The following MIIP variants were observed in gnomAD, a reference collection of about 807,000 sequenced individuals.
MIIP encodes migration and invasion inhibitory protein, also known as migration and invasion-inhibitory protein.
A neutral mutation model predicts 44.8 loss-of-function variants in MIIP; 44 were observed. The observed-to-expected ratio is 0.98, with a 90% confidence interval of 0.77 to 1.26. MIIP has a LOEUF of 1.26. Among genes scored for constraint, MIIP ranks in the 50% most tolerant of loss-of-function variants. MIIP has a pLI of 0.00. For synonymous variants in MIIP, 225 were observed against 218.3 expected, an observed-to-expected ratio of 1.03 and a Z score of -0.27; for missense variants, 496 against 511.7, an observed-to-expected ratio of 0.97 and a Z score of 0.30.
chr1:12,029,464 C>CT (rs1344564839), intron 6 of MIIP, 183 bp downstream of exon 6: 2 of 751,350 alleles, frequency 2.7e-6, no homozygotes, highest in African/African-American at 3.5e-5. Context: ...GTGGAGTGAG[C>CT]TAAGGCCTGG....
rs146045294 is a variant in MIIP, at chr1:12,021,864, C to T, written c.114+24C>T. The T allele has an allele frequency of 1.4e-3, 2,224 of 1,565,560 alleles. 29 individuals are homozygous for T. The African/African-American group carries it at 0.026, about 19-fold the overall frequency. The stretch of plus-strand genomic sequence containing the variant: ...AGGTGCGTGCCCGCCTTGGGAACCC[C>T]AGAGGAAGGGGCTACCTGACCTTCA... On this transcript the variant is annotated intron_variant, in intron 2 of 9. Transcript: ENST00000235332.
chr1:12,031,613 C>A (rs770276924), intron 9 of MIIP, 109 bp from the exon 10 acceptor site: 44 of 1,612,078 alleles, frequency 2.7e-5, no homozygotes, highest in Non-Finnish European at 3.6e-5. Flanking sequence ...CCCTGCTCCA[C>A]CCAGGAAGGC....
At chr1:12,030,189 C>A in intron 8 of MIIP, 65 bp downstream of exon 8, 1 of 1,493,792 alleles carries the variant, frequency 6.7e-7, no homozygotes, top group East Asian at 2.3e-5. Context: ...CCCAGATCCC[C>A]AGGGAGGGTC....
chr1:12,026,357 G>A (rs1426135940), intron 4 of MIIP, among the ~76,000 whole-genome samples: 1 of 152,170 alleles, frequency 6.6e-6, no homozygotes, highest in African/African-American at 2.4e-5. Flanking sequence ...TGGTGGCGGG[G>A]ACACAGGCCC....
chr1:12,023,225 G>A (rs1210476468), intron 4 of MIIP, among the ~76,000 whole-genome samples: 5 of 150,914 alleles, frequency 3.3e-5, no homozygotes, highest in Non-Finnish European at 1.5e-5. Context: ...CACCACGCCC[G>A]GCTAATTTTT....
Position 12,031,704 on chromosome 1 carries a change from TC to T in MIIP, c.1081-15del. ...CCTTTCAAGTGGCCCCCCTGAGACT[TC>T]CCTATTCCCCATCCAGGCCTCACCA... is the stretch of plus-strand genomic sequence containing the variant. On this transcript the variant is annotated splice_polypyrimidine_tract_variant and intron_variant, in intron 9 of 9. Transcript: ENST00000235332. 6.2e-7 allele frequency: 1 copy of T among 1,613,900 alleles called. No homozygotes were observed. Among genetic ancestry groups the T allele is most frequent in the Non-Finnish European group, 8.5e-7 (1 of 1,179,944 alleles).
chr1:12,021,718 A>C lies in MIIP; in HGVS notation c.-9A>C, dbSNP rs778073206. ...AGGGGCAAGTGACACCTGCTGAGAG[A>C]GGCCCAGGATGGTGGAGGCTGAGGA... On this transcript the variant is annotated 5_prime_UTR_variant, in exon 2 of 10. Transcript: ENST00000235332. 1 of 1,611,578 alleles carries C rather than the reference A, an allele frequency of 6.2e-7. No individual in the cohort carries two copies. Among genetic ancestry groups the C allele is most frequent in the Non-Finnish European group, 8.5e-7 (1 of 1,179,404 alleles).
Position 12,030,052 on chromosome 1 carries a change from G to C in MIIP, c.870G>C (p.Leu290=). ...GGGTGAGCATCCCGCTGTCGATCCTGGAGCCCCCGCACCGGTACCACATCC... is the reference window on the plus strand; with the variant it reads ...GGGTGAGCATCCCGCTGTCGATCCTCGAGCCCCCGCACCGGTACCACATCC... ...HVRVSIPLSI[L]EPPHRYHIHR... is the part of the protein sequence containing the mutation. The change falls in exon 8 of 10, where the codon CTG becomes CTC. Residue 290 remains leucine (L), a synonymous_variant. Transcript: ENST00000235332. 1 of 1,613,536 alleles carries C rather than the reference G, an allele frequency of 6.2e-7. No homozygotes were observed. Among genetic ancestry groups the C allele is most frequent in the Non-Finnish European group, 8.5e-7 (1 of 1,179,930 alleles).
At position 12,029,758 on chromosome 1, in the gene MIIP, CTCGCAGGCGTGTACTG is replaced by C. The variant is rs778030939; in HGVS notation, c.716-5_726del. The C allele has an allele frequency of 3.1e-6, 5 of 1,606,420 alleles. No individual in the cohort carries two copies. The highest frequency in any genetic ancestry group is 4.3e-6 in the Non-Finnish European group (5 of 1,174,318). On this transcript the variant is annotated splice_acceptor_variant and splice_polypyrimidine_tract_variant and coding_sequence_variant and intron_variant, in exon 7 of 10. Transcript: ENST00000235332. LOFTEE classifies it high-confidence loss of function. ...GGGAGAGCTGTGGCTTCTCATGGGC[CTCGCAGGCGTGTACTG>C]TTACCGTGTCAACCGGCGCCTGTTC...
chr1:12,024,508 G>A (rs1640059505), intron 4 of MIIP, among the ~76,000 whole-genome samples: 1 of 152,174 alleles, frequency 6.6e-6, no homozygotes, highest in Admixed American at 6.5e-5. Flanking sequence ...CCGCCTCCTG[G>A]GTTCAAGCGA....
intron 1 of MIIP, 106 bp from the exon 2 acceptor site, chr1:12,021,539 A>G: frequency 1.7e-6 from 1 of 585,896 alleles, no homozygotes. Flanking sequence ...GGCACAGAGA[A>G]GTTAAATAAC....
Position 12,029,861 on chromosome 1 carries a change from G to A in MIIP, c.812G>A (p.Gly271Asp), listed in dbSNP as rs779460357. 2 of 1,612,998 alleles carry A rather than the reference G, an allele frequency of 1.2e-6. No individual in the cohort carries two copies. The highest frequency in any genetic ancestry group is 1.3e-5 in the African/African-American group (1 of 74,916). ...RLCRTPRDQQ[G>D]PGTLAQPAHV... ...TGCAGGACACCGCGAGACCAGCAGG[G>A]CCCTGGGACCCTGGCGCAGCCAGCG... Residue 271 changes from glycine (G) to aspartate (D), a missense_variant, in exon 7 of 10, where the codon GGC becomes GAC. Gly to Asp is a moderately conservative substitution (Grantham distance 94). Transcript: ENST00000235332.
At chr1:12,020,865 G>T (rs1211360351) in intron 1 of MIIP, among the ~76,000 whole-genome samples, 4 of 152,124 alleles carry the variant, frequency 2.6e-5, no homozygotes, top group African/African-American at 9.7e-5. Flanking sequence ...TGCATTTTTA[G>T]TAGCGACGAG....
At chr1:12,031,103 T>G in intron 8 of MIIP, 163 bp from the exon 9 acceptor site, 1 of 816,480 alleles carries the variant, frequency 1.2e-6, no homozygotes, top group Non-Finnish European at 1.9e-6. Flanking sequence ...TCTGCCAGGA[T>G]AAGAAAGGGG....
intron 4 of MIIP, among the ~76,000 whole-genome samples, chr1:12,028,313 G>C (rs1640146116): frequency 6.6e-6 from 1 of 152,166 alleles, no homozygotes. Context: ...CCCTCAACTT[G>C]AAGCAGCCAG....
intron 4 of MIIP, among the ~76,000 whole-genome samples, chr1:12,027,647 G>C (rs1045433234): frequency 6.6e-6 from 1 of 152,094 alleles, no homozygotes; most frequent in Admixed American, 6.6e-5. Context: ...CAAACGCTGA[G>C]GTGTTTGGAC....
intron 9 of MIIP, 82 bp from the exon 10 acceptor site, chr1:12,031,640 T>C: frequency 6.2e-7 from 1 of 1,613,420 alleles, no homozygotes; most frequent in South Asian, 1.1e-5. Context: ...GACTGCAAGA[T>C]CCAGGAGGGA....
At chr1:12,022,584 G>T (rs978891446) in intron 3 of MIIP, 142 bp downstream of exon 3, 3 of 767,134 alleles carry the variant, frequency 3.9e-6, no homozygotes, top group Non-Finnish European at 6.2e-6. Context: ...GTCTTGCTCA[G>T]CCTAAATGCT....
intron 6 of MIIP, 75 bp from the exon 7 acceptor site, chr1:12,029,690 G>A (rs1640187087): frequency 6.4e-6 from 10 of 1,554,106 alleles, no homozygotes; most frequent in Non-Finnish European, 7.0e-6. Context: ...GTTGGGGGCC[G>A]CTGAGGGCAG....
Sources: allele counts gnomAD v4.1 joint callset (sites outside exome capture counted in the v4.1 genomes callset), GRCh38; gene constraint gnomAD v4.1.1; transcripts MANE v1.5; gene names NCBI Gene and HGNC (gene_info 2026-07-23, HGNC 2026-07-21).